Variants in DHDH observed in about 807,000 individuals in gnomAD.
DHDH encodes trans-1,2-dihydrobenzene-1,2-diol dehydrogenase.
Under a neutral mutation model 33.2 loss-of-function variants are expected in DHDH, and 29 were observed. That is an observed-to-expected ratio of 0.87 (90% CI 0.65 to 1.19). The LOEUF is 1.19. Ranked by LOEUF, DHDH falls within the 50% of genes most tolerant of loss-of-function variation. The pLI is 0.00. For synonymous variants in DHDH, 201 were observed against 187.9 expected (o/e 1.07, Z -0.57); for missense variants, 431 against 455.0 (o/e 0.95, Z 0.48).
chr19:48,944,775 GTCT>G (rs1568599397), intron 6 of DHDH, 46 bp from the exon 7 acceptor site: 1 of 1,530,642 alleles, frequency 6.5e-7, no homozygotes, highest in African/African-American at 1.4e-5. Flanking sequence ...AGTTCTTTGG[GTCT>G]TGGGCGCGTG....
Position 48,938,645 on chromosome 19 carries a change from A to AT in DHDH, c.367-787dup, listed in dbSNP as rs36006562. 8.9e-3 allele frequency among the ~76,000 whole-genome samples: 1,146 copies of AT among 129,008 alleles called. 11 individuals carry two copies. The highest frequency in any genetic ancestry group is 0.025 in the East Asian group (111 of 4,480). The allele number at this position is 129,008 out of a possible 152,430, so 84.6% of individuals were successfully genotyped here. On this transcript the variant is annotated intron_variant, in intron 3 of 6. Transcript: ENST00000221403. ...GATAAGGGCCCACCCTAATGACCTC[A>AT]TTTTTTTTTTTTTTTTTGAGTTGGA...
At chr19:48,944,206 A>C (rs924067986) in intron 5 of DHDH, 151 bp from the exon 6 acceptor site, 5 of 951,988 alleles carry the variant, frequency 5.3e-6, no homozygotes, top group Non-Finnish European at 7.8e-6. Flanking sequence ...GAAATGAAGG[A>C]GGGTCCAAAG....
chr19:48,939,127 G>A (rs1159595587), intron 3 of DHDH, among the ~76,000 whole-genome samples: 2 of 151,976 alleles, frequency 1.3e-5, no homozygotes, highest in Non-Finnish European at 2.9e-5. Flanking sequence ...GGAGACTGGG[G>A]CAATGGTCCA....
At chr19:48,940,282 G>A (rs978588243) in intron 4 of DHDH, among the ~76,000 whole-genome samples, 2 of 151,978 alleles carry the variant, frequency 1.3e-5, no homozygotes, top group Non-Finnish European at 2.9e-5. Flanking sequence ...TTGAACCCAG[G>A]GGGCGGAGGT....
intron 4 of DHDH, among the ~76,000 whole-genome samples, chr19:48,941,059 A>G (rs1402153444): frequency 6.6e-6 from 1 of 151,250 alleles, no homozygotes; most frequent in East Asian, 1.9e-4. Flanking sequence ...GATTCTGTGC[A>G]TTGGCAAATT....
At chr19:48,940,819 G>A (rs1015192539) in intron 4 of DHDH, among the ~76,000 whole-genome samples, 2 of 152,150 alleles carry the variant, frequency 1.3e-5, no homozygotes, top group Non-Finnish European at 2.9e-5. Context: ...TGGTGCCACT[G>A]CATTCCAGCC....
At chr19:48,934,888 C>T (rs1600080832) in intron 1 of DHDH, 112 bp from the exon 2 acceptor site, 1 of 761,846 alleles carries the variant, frequency 1.3e-6, no homozygotes, top group Admixed American at 3.5e-5. Context: ...TCATCTCTTC[C>T]CCCAGGACCA....
rs78909645 is a variant in DHDH at position 48,944,366 on chromosome 19, C to A, written c.754C>A (p.Pro252Thr). The A allele has an allele frequency of 4.3e-6, 7 of 1,613,910 alleles. No homozygotes were observed. In the African/African-American group the frequency reaches 8.0e-5, roughly 18 times the overall value. Residue 252 changes from proline (P) to threonine (T), a missense_variant, in exon 6 of 7, where the codon CCC becomes ACC. Coordinates refer to ENST00000221403, the MANE Select transcript of DHDH (RefSeq NM_014475.4). ...TCTTCTCTCCCTCCAGCTCCTCAAC[C>A]CCTGCTGGTGCCCGACCGAGCTGGT... ...GTKGMVQLLN[P>T]CWCPTELVVK...
At chr19:48,937,325 G>A (rs958745738) in intron 3 of DHDH, among the ~76,000 whole-genome samples, 12 of 152,070 alleles carry the variant, frequency 7.9e-5, no homozygotes, top group African/African-American at 2.9e-4. Context: ...GGCCACATCC[G>A]TCCTGCCCCG....
chr19:48,933,890 G>A (rs1362502606), intron 1 of DHDH, 79 bp downstream of exon 1: 2 of 1,367,324 alleles, frequency 1.5e-6, no homozygotes, highest in African/African-American at 1.4e-5. Context: ...GGAGTTTAGG[G>A]TTCAGGACTA....
intron 3 of DHDH, among the ~76,000 whole-genome samples, chr19:48,937,389 G>T (rs2037793200): frequency 6.6e-6 from 1 of 152,152 alleles, no homozygotes; most frequent in African/African-American, 2.4e-5. Flanking sequence ...GAAATTGCTG[G>T]TGTGGGCCAG....
upstream of DHDH, among the ~76,000 whole-genome samples, chr19:48,933,402 G>T (rs1019590745): frequency 6.5e-4 from 99 of 152,156 alleles, 1 homozygote; most frequent in Non-Finnish European, 1.8e-4. Flanking sequence ...AACTCTCAAG[G>T]ATTGGTGTTG....
At chr19:48,933,599 C>G (rs2037731639), upstream of DHDH, 16 of 864,918 alleles carry the variant, frequency 1.8e-5, no homozygotes, top group Non-Finnish European at 2.8e-5. Flanking sequence ...CTGGAGCCAA[C>G]GAGAATCGGC....
At position 48,939,709 on chromosome 19, in the gene DHDH, C is replaced by G. The variant is rs972136725; in HGVS notation, c.619+8C>G. Reference sequence around the variant, plus strand: ...GAAGGCGTCATGAAACAGGTACCATCTATCCTGGAATATTTCATGGTGATG... The same window carrying G: ...GAAGGCGTCATGAAACAGGTACCATGTATCCTGGAATATTTCATGGTGATG... On this transcript the variant is annotated splice_region_variant and intron_variant, in intron 4 of 6. Coordinates refer to ENST00000221403, the MANE Select transcript of DHDH (RefSeq NM_014475.4). 4 of 1,589,330 alleles carry G rather than the reference C, an allele frequency of 2.5e-6. No homozygotes were observed. Among genetic ancestry groups the G allele is most frequent in the Admixed American group, 3.4e-5 (2 of 58,394 alleles).
At chr19:48,935,678 A>G (rs941073530) in intron 2 of DHDH, among the ~76,000 whole-genome samples, 6 of 151,374 alleles carry the variant, frequency 4.0e-5, no homozygotes, top group East Asian at 1.9e-4. Flanking sequence ...TTAGCCGGGC[A>G]TGGTGGCGGG....
rs549627728 is a variant in DHDH, at chr19:48,935,894, G to A, written c.203-138G>A. 3.1e-6 allele frequency: 3 copies of A among 969,626 alleles called. No homozygotes were observed. In the East Asian group the frequency reaches 8.8e-5, roughly 28 times the overall value. 60.1% of individuals were successfully genotyped at this position (969,626 alleles called of 1,614,324 possible). A position where few individuals can be genotyped will look rare whatever the true frequency, so the allele number is the denominator to read the frequency against. The stretch of plus-strand genomic sequence containing the variant: ...GCGAGAGGTAACAGCCCCTTCCTAA[G>A]GACAGCTCCCTAAGGGAGACAGGGG... On this transcript the variant is annotated intron_variant, in intron 2 of 6. Coordinates refer to ENST00000221403, the MANE Select transcript of DHDH (RefSeq NM_014475.4).
Position 48,936,105 on chromosome 19 carries a change from C to T in DHDH, c.276C>T (p.Ala92=). The change falls in exon 3 of 7, where the codon GCC becomes GCT. Residue 92 remains alanine, a synonymous_variant. Coordinates refer to ENST00000221403, the MANE Select transcript of DHDH (RefSeq NM_014475.4). The part of the protein sequence containing the change: ...AVMLCLAAGK[A]VLCEKPTGVN... ...TGCTGTGCTTGGCGGCGGGCAAGGCCGTTCTGTGCGAGAAGCCCACGGGCG... is the reference window on the plus strand; with the variant it reads ...TGCTGTGCTTGGCGGCGGGCAAGGCTGTTCTGTGCGAGAAGCCCACGGGCG... 3.1e-6 allele frequency: 5 copies of T among 1,611,540 alleles called. No individual in the cohort carries two copies. Among genetic ancestry groups the T allele is most frequent in the Non-Finnish European group, 4.2e-6 (5 of 1,179,430 alleles).
At position 48,944,955 on chromosome 19, in the gene DHDH, A is replaced by T. The variant is rs1173452082; in HGVS notation, c.*22A>T. The T allele has an allele frequency of 6.3e-7, 1 of 1,599,480 alleles. No individual in the cohort carries two copies. The highest frequency in any genetic ancestry group is 8.6e-7 in the Non-Finnish European group (1 of 1,167,170). On this transcript the variant is annotated 3_prime_UTR_variant, in exon 7 of 7. Coordinates refer to ENST00000221403, the MANE Select transcript of DHDH (RefSeq NM_014475.4). Reference sequence around the variant, plus strand: ...CTGATGTATCCCCGAATAAATAAAGACATCTTACATCTTCGTGGTAGTGGT... The same window carrying T: ...CTGATGTATCCCCGAATAAATAAAGTCATCTTACATCTTCGTGGTAGTGGT...
At position 48,944,496 on chromosome 19, in the gene DHDH, G is replaced by C; in HGVS notation, c.884G>C (p.Cys295Ser). The C allele has an allele frequency of 6.2e-7, 1 of 1,604,416 alleles. No homozygotes were observed. Among genetic ancestry groups the C allele is most frequent in the South Asian group, 1.1e-5 (1 of 90,164 alleles). ...TATGAGGCCAAGCACGTCTGGGAGT[G>C]CCTACGCAAGGGTAAGGATATGGAT... The part of the protein sequence containing the change: ...MSYEAKHVWE[C>S]LRKGMKESPV... Residue 295 changes from cysteine to serine, a missense_variant, in exon 6 of 7, where the codon TGC becomes TCC. Coordinates refer to ENST00000221403, the MANE Select transcript of DHDH (RefSeq NM_014475.4).
Sources: allele counts gnomAD v4.1 joint callset (sites outside exome capture counted in the v4.1 genomes callset), GRCh38; gene constraint gnomAD v4.1.1; transcripts MANE v1.5; gene names NCBI Gene and HGNC (gene_info 2026-07-23, HGNC 2026-07-21).